The following OXER1 variants were observed in gnomAD, a reference collection of about 807,000 sequenced individuals.
OXER1 encodes the protein oxoeicosanoid receptor 1.
For missense variants in OXER1, 587 were observed against 551.7 expected, an observed-to-expected ratio of 1.06 and a Z score of -0.64; for synonymous variants, 258 against 245.8, an observed-to-expected ratio of 1.05 and a Z score of -0.47.
chr2:42,762,953 C>T, exon 1 of OXER1: 1 of 1,613,714 alleles, frequency 6.2e-7, no homozygotes, highest in Non-Finnish European at 8.5e-7. Context: ...CCTCGCCCTG[C>T]ACTTTCAGCT....
In OXER1 at chr2:42,763,621, C is replaced by G. The variant is rs780052387; in HGVS notation, c.559G>C (p.Ala187Pro). ...ACCACCTTCAGGTAGCGGTTGAGTG[C>G]GATGGCTGTGAGGAAGACAACGCTG... The change falls in exon 1 of 1, where the codon GCA becomes CCA. Residue 187 changes from alanine (A) to proline (P), a missense_variant. Ala to Pro is a conservative substitution (Grantham distance 27). Coordinates refer to ENST00000378661, the Ensembl canonical transcript of OXER1. This position sits in a 1 kb window ranked among gnomAD's most constrained non-coding sequence, Gnocchi z 4.4. 1.2e-6 allele frequency: 2 copies of G among 1,612,636 alleles called. No individual in the cohort carries two copies. The highest frequency in any genetic ancestry group is 2.2e-5 in the South Asian group (2 of 90,852).
rs1670554872 is a variant in OXER1 at position 42,763,795 on chromosome 2, C to A, written c.385G>T (p.Val129Leu). 1 of 1,613,900 alleles carries A rather than the reference C, an allele frequency of 6.2e-7. No homozygotes were observed. The highest frequency in any genetic ancestry group is 1.7e-5 in the Admixed American group (1 of 59,998). ...GCGGCCACCAGGCTGACCAGGAACA[C>A]CGTGTTGGAGGTCCAGGGCCGCGTG... Residue 129 changes from valine (V) to leucine (L), a missense_variant, in exon 1 of 1, where the codon GTG becomes TTG. By Grantham distance (32) the Val-to-Leu change is conservative. Coordinates refer to ENST00000378661, the Ensembl canonical transcript of OXER1. The surrounding 1 kb of genome is among the most constrained non-coding windows in gnomAD (Gnocchi z 4.4).
exon 1 of OXER1, chr2:42,762,550 C>G (rs1573878990): frequency 3.7e-6 from 1 of 268,844 alleles, no homozygotes; most frequent in African/African-American, 2.2e-5. Flanking sequence ...CTGGAGAGCA[C>G]AGAACATGCA....
Position 42,763,390 on chromosome 2 carries a change from G to T in OXER1, c.790C>A (p.Pro264Thr). ...ATAGCAAAGAGGATGAGCGCCAGTG[G>T]CAGGAAGAACTCCAGCAGGTACAGT... The change falls in exon 1 of 1, where the codon CCA (proline) becomes ACA (threonine). Residue 264 changes from proline to threonine, a missense_variant. Physicochemically the swap from Pro to Thr is conservative, Grantham distance 38. Transcript: ENST00000378661. This position sits in a 1 kb window ranked among gnomAD's most constrained non-coding sequence, Gnocchi z 4.4. 6.2e-7 allele frequency: 1 copy of T among 1,601,880 alleles called. No homozygotes were observed. The highest frequency in any genetic ancestry group is 1.7e-5 in the Admixed American group (1 of 58,170).
At position 42,763,772 on chromosome 2, in the gene OXER1, G is replaced by A. The variant is rs1670554067; in HGVS notation, c.408C>T (p.Ala136=). 1.9e-6 allele frequency: 3 copies of A among 1,614,040 alleles called. No individual in the cohort carries two copies. The highest frequency in any genetic ancestry group is 2.2e-5 in the East Asian group (1 of 44,880). The change falls in exon 1 of 1, where the codon GCC becomes GCT. Residue 136 remains alanine (A), a synonymous_variant. Transcript: ENST00000378661. This position sits in a 1 kb window ranked among gnomAD's most constrained non-coding sequence, Gnocchi z 4.4. Reference sequence around the variant, plus strand: ...GGTTGCTGATCAGGAGGAAGTCAGCGGCCACCAGGCTGACCAGGAACACCG... The same window carrying A: ...GGTTGCTGATCAGGAGGAAGTCAGCAGCCACCAGGCTGACCAGGAACACCG...
At chr2:42,764,059 C>A in the OXER1 span, 1 of 1,614,038 alleles carries the variant, frequency 6.2e-7, no homozygotes, top group South Asian at 1.1e-5. Context: ...TTATGAAGTT[C>A]CATGGGCTGC....
chr2:42,762,609 TCCC>T (rs1670492749), exon 1 of OXER1: 1 of 423,468 alleles, frequency 2.4e-6, no homozygotes, highest in African/African-American at 2.0e-5. Context: ...TTGGCGTCTG[TCCC>T]CTGCAGCTGC....
Position 42,763,946 on chromosome 2 carries a change from G to A in OXER1, c.234C>T (p.Ser78=). Residue 78 remains serine, a synonymous_variant, in exon 1 of 1, where the codon TCC becomes TCT. Transcript: ENST00000378661. The surrounding 1 kb of genome is among the most constrained non-coding windows in gnomAD (Gnocchi z 4.4). ...AGGTGGGGTGGCAGGGCCCTCCAGA[G>A]GACCCCCCCACAGTGGTAAAGGCAG... is the stretch of plus-strand genomic sequence containing the variant. 2 of 1,613,814 alleles carry A rather than the reference G, an allele frequency of 1.2e-6. No homozygotes were observed. Among genetic ancestry groups the A allele is most frequent in the South Asian group, 1.1e-5 (1 of 91,070 alleles).
exon 1 of OXER1, chr2:42,764,124 T>G: frequency 4.3e-6 from 7 of 1,613,960 alleles, no homozygotes; most frequent in Non-Finnish European, 5.9e-6. Flanking sequence ...GCAGGAGTGC[T>G]CAGGGCAAAG....
At chr2:42,762,599 T>G in exon 1 of OXER1, 1 of 381,158 alleles carries the variant, frequency 2.6e-6, no homozygotes, top group Non-Finnish European at 4.7e-6. Flanking sequence ...GTGACAGTGA[T>G]TGGCGTCTGT....
In OXER1 at chr2:42,763,807, T is replaced by A; in HGVS notation, c.373A>T (p.Thr125Ser). Reference sequence around the variant, plus strand: ...CTGACCAGGAACACCGTGTTGGAGGTCCAGGGCCGCGTGTGGATGCAGAAG... The same window carrying A: ...CTGACCAGGAACACCGTGTTGGAGGACCAGGGCCGCGTGTGGATGCAGAAG... Residue 125 changes from threonine to serine, a missense_variant, in exon 1 of 1, where the codon ACC (threonine) becomes TCC (serine). Physicochemically the swap from Thr to Ser is moderately conservative, Grantham distance 58. Transcript: ENST00000378661. This position sits in a 1 kb window ranked among gnomAD's most constrained non-coding sequence, Gnocchi z 4.4. 1 of 1,613,608 alleles carries A rather than the reference T, an allele frequency of 6.2e-7. No individual in the cohort carries two copies. Among genetic ancestry groups the A allele is most frequent in the South Asian group, 1.1e-5 (1 of 91,052 alleles).
Position 42,763,248 on chromosome 2 carries a change from C to T in OXER1, c.932G>A (p.Ser311Asn), listed in dbSNP as rs1573880549. 6.2e-7 allele frequency: 1 copy of T among 1,612,274 alleles called. No individual in the cohort carries two copies. Among genetic ancestry groups the T allele is most frequent in the African/African-American group, 1.3e-5 (1 of 75,058 alleles). Residue 311 changes from serine (S) to asparagine (N), a missense_variant, in exon 1 of 1, where the codon AGC becomes AAC. Ser to Asn is a conservative substitution (Grantham distance 46, BLOSUM62 1). Coordinates refer to ENST00000378661, the Ensembl canonical transcript of OXER1. The surrounding 1 kb of genome is among the most constrained non-coding windows in gnomAD (Gnocchi z 4.4). ...CATGGAAGCCATGCCAAAGATGATG[C>T]TGGGCAAGAAGCAGATGGTGTAGAC...
In OXER1 at chr2:42,763,264, T is replaced by C. The variant is rs552905275; in HGVS notation, c.916A>G (p.Ile306Val). Residue 306 changes from isoleucine to valine, a missense_variant, in exon 1 of 1, where the codon ATC becomes GTC. Transcript: ENST00000378661. The surrounding 1 kb of genome is among the most constrained non-coding windows in gnomAD (Gnocchi z 4.4). ...AAGATGATGCTGGGCAAGAAGCAGA[T>C]GGTGTAGACGGCCACCACCATGGCC... 3 of 1,612,836 alleles carry C rather than the reference T, an allele frequency of 1.9e-6. No individual in the cohort carries two copies. In the South Asian group the frequency reaches 3.3e-5, roughly 18 times the overall value.
chr2:42,764,098 G>A, the OXER1 span: 8 of 1,614,090 alleles, frequency 5.0e-6, no homozygotes, highest in Non-Finnish European at 6.8e-6. Flanking sequence ...AGAAGGTTCT[G>A]GAGTCTTCTA....
chr2:42,762,730 G>A, exon 1 of OXER1: 1 of 649,566 alleles, frequency 1.5e-6, no homozygotes, highest in Non-Finnish European at 2.6e-6. Context: ...CACACTGAGA[G>A]GCCTAGGTGG....
In OXER1 at chr2:42,763,690, C is replaced by T. The variant is rs767231779; in HGVS notation, c.490G>A (p.Ala164Thr). Residue 164 changes from alanine (A) to threonine (T), a missense_variant, in exon 1 of 1, where the codon GCC (alanine) becomes ACC (threonine). Transcript: ENST00000378661. The surrounding 1 kb of genome is among the most constrained non-coding windows in gnomAD (Gnocchi z 4.4). ...AGCATGAAGAGGTTGACTTTGCAGGCAGCAGCCCCAAAGCGCCAGGTCTCA... is the reference window on the plus strand; with the variant it reads ...AGCATGAAGAGGTTGACTTTGCAGGTAGCAGCCCCAAAGCGCCAGGTCTCA... The T allele has an allele frequency of 1.9e-6, 3 of 1,614,112 alleles. No individual in the cohort carries two copies. Among genetic ancestry groups the T allele is most frequent in the Admixed American group, 1.7e-5 (1 of 60,012 alleles).
chr2:42,762,620 T>C (rs1670493143), exon 1 of OXER1: 2 of 441,076 alleles, frequency 4.5e-6, no homozygotes, highest in Non-Finnish European at 8.1e-6. Context: ...CCCCTGCAGC[T>C]GCGCAGGCCC....
At chr2:42,764,062 T>C (rs904790525) in exon 1 of OXER1, 3 of 1,613,974 alleles carry the variant, frequency 1.9e-6, no homozygotes, top group Admixed American at 1.7e-5. Context: ...TGAAGTTCCA[T>C]GGGCTGCTTG....
exon 1 of OXER1, chr2:42,762,792 C>T: frequency 7.9e-7 from 1 of 1,267,560 alleles, no homozygotes; most frequent in Non-Finnish European, 1.1e-6. Context: ...GGCCTGGCCC[C>T]TGGTCTGCCG....
Sources: gnomAD v4.1 joint callset for allele counts on GRCh38, gnomAD v4.1.1 for gene constraint, Gnocchi (gnomAD v3.1) non-coding constraint, MANE v1.5 for transcripts, NCBI Gene and HGNC (gene_info 2026-07-23, HGNC 2026-07-21) for gene names.